Variants in NOL4L observed in about 807,000 individuals in gnomAD.
NOL4L encodes nucleolar protein 4 like, also known as nucleolar protein 4-like.
A neutral mutation model predicts 64.5 loss-of-function variants in NOL4L; 7 were observed. The observed-to-expected ratio is 0.11, with a 90% CI of 0.06 to 0.20. The LOEUF is 0.20. Among genes scored for constraint, NOL4L ranks in the 10% least tolerant of loss-of-function variants. The pLI, the probability that NOL4L is intolerant of heterozygous loss-of-function variation, is 1.00. For missense variants in NOL4L, 680 were observed against 967.1 expected (o/e 0.70, Z 3.94); for synonymous variants, 413 against 401.0 (o/e 1.03, Z -0.36).
chr20:32,487,232 C>A (rs1218691057), intron 4 of NOL4L, among the ~76,000 whole-genome samples: 1 of 152,280 alleles, frequency 6.6e-6, no homozygotes. Flanking sequence ...CATACCGTTG[C>A]ACTCCAGCCT....
In NOL4L at chr20:32,456,256, G is replaced by A. The variant is rs570929204; in HGVS notation, c.981C>T (p.Ala327=). 2.6e-4 allele frequency: 425 copies of A among 1,605,680 alleles called. 5 individuals are homozygous for A. In the South Asian group the frequency reaches 3.8e-3, roughly 14 times the overall value. ...GAVAPMDFTT[A]AEDQPINLCD... ...ACAGGTTGATGGGCTGATCCTCGGC[G>A]GCCGTGGTGAAGTCCATGGGGGCCA... The change falls in exon 6 of 11, where the codon GCC becomes GCT. Residue 327 remains alanine (A), a synonymous_variant. Coordinates refer to ENST00000621426, the MANE Select transcript of NOL4L (RefSeq NM_001256798.2).
intron 5 of NOL4L, among the ~76,000 whole-genome samples, chr20:32,467,422 C>T (rs571080510): frequency 3.9e-5 from 6 of 152,266 alleles, no homozygotes; most frequent in South Asian, 2.1e-4. Context: ...CCCCCTAGCC[C>T]GGCTCCCTTT....
At chr20:32,481,966 G>GC (rs916539754) in intron 4 of NOL4L, among the ~76,000 whole-genome samples, 1 of 146,478 alleles carries the variant, frequency 6.8e-6, no homozygotes, top group African/African-American at 2.6e-5. Flanking sequence ...GGGCGGGGCG[G>GC]GGGGGGGGGA....
chr20:32,482,990 C>T (rs1285456098), intron 4 of NOL4L, among the ~76,000 whole-genome samples: 2 of 151,352 alleles, frequency 1.3e-5, no homozygotes, highest in East Asian at 2.0e-4. Flanking sequence ...ACAATCACCG[C>T]CCCCCAGGAC....
chr20:32,477,856 G>A (rs867820602), intron 4 of NOL4L, among the ~76,000 whole-genome samples: 1 of 152,206 alleles, frequency 6.6e-6, no homozygotes, highest in Non-Finnish European at 1.5e-5. Context: ...CTGGGAAAAG[G>A]TGGGCTACAC....
chr20:32,568,667 C>T (rs1294515133), intron 1 of NOL4L, among the ~76,000 whole-genome samples: 1 of 152,228 alleles, frequency 6.6e-6, no homozygotes, highest in Non-Finnish European at 1.5e-5. Flanking sequence ...AGTTTCCTTC[C>T]CTCCTTTCCA....
chr20:32,543,533 C>T (rs1417485361), intron 1 of NOL4L, among the ~76,000 whole-genome samples: 1 of 151,924 alleles, frequency 6.6e-6, no homozygotes, highest in Non-Finnish European at 1.5e-5. Flanking sequence ...GCAGGAGAAT[C>T]GCTTGAACCC....
At chr20:32,520,586 T>C (rs534641152) in intron 3 of NOL4L, among the ~76,000 whole-genome samples, 1 of 152,340 alleles carries the variant, frequency 6.6e-6, no homozygotes, top group African/African-American at 2.4e-5. Flanking sequence ...GTTGTTCACT[T>C]TTTTGTTTTG....
At chr20:32,547,791 C>T (rs547674418) in intron 1 of NOL4L, among the ~76,000 whole-genome samples, 1 of 152,256 alleles carries the variant, frequency 6.6e-6, no homozygotes, top group Non-Finnish European at 1.5e-5. Context: ...GGAAGCAGCT[C>T]CAGCCATGTC....
intron 1 of NOL4L, among the ~76,000 whole-genome samples, chr20:32,555,798 G>C (rs1026366677): frequency 5.9e-5 from 9 of 152,106 alleles, no homozygotes; most frequent in African/African-American, 2.2e-4. Context: ...CTGACACCTT[G>C]ATTTTGAACT....
intron 4 of NOL4L, among the ~76,000 whole-genome samples, chr20:32,484,671 AT>A (rs1284253986): frequency 6.6e-6 from 1 of 152,026 alleles, no homozygotes; most frequent in Non-Finnish European, 1.5e-5. Flanking sequence ...TTGTAAAGTA[AT>A]AGGATAATCT....
chr20:32,583,371 G>GA (rs917472595), intron 1 of NOL4L, among the ~76,000 whole-genome samples: 2 of 149,494 alleles, frequency 1.3e-5, no homozygotes, highest in African/African-American at 4.9e-5. Context: ...CGTAACGACC[G>GA]AATCAATTGT....
At chr20:32,500,533 T>TTTTTTTTTTTTTTTTTTTTATTAGAGA (rs1568661332) in intron 4 of NOL4L, among the ~76,000 whole-genome samples, 2 of 119,120 alleles carry the variant, frequency 1.7e-5, no homozygotes, top group South Asian at 2.7e-4. Flanking sequence ...TTTTTGTATT[T>TTTTTTTTTTTTTTTTTTTTATTAGAGA]CTTTCTTTTT....
chr20:32,452,859 C>A (rs761752935), intron 9 of NOL4L, 25 bp downstream of exon 9: 7 of 1,613,080 alleles, frequency 4.3e-6, no homozygotes, highest in Middle Eastern at 3.3e-4. Context: ...GGAGCGGCCC[C>A]TGTAGTGGCT....
intron 1 of NOL4L, chr20:32,536,024 C>T (rs887359917): frequency 2.3e-5 from 23 of 985,590 alleles, no homozygotes; most frequent in Non-Finnish European, 2.8e-5. Context: ...CCACCCCAGG[C>T]AAGGGGCTGT....
chr20:32,488,343 C>T (rs902173727), intron 4 of NOL4L, among the ~76,000 whole-genome samples: 2 of 152,186 alleles, frequency 1.3e-5, no homozygotes, highest in Non-Finnish European at 2.9e-5. Context: ...ATGCACAGGG[C>T]TGTGGAACCA....
At chr20:32,482,617 C>G (rs529950913) in intron 4 of NOL4L, among the ~76,000 whole-genome samples, 208 of 152,032 alleles carry the variant, frequency 1.4e-3, no homozygotes, top group Middle Eastern at 0.014. Context: ...CCCGCCCCGC[C>G]GTGTCCCCTC....
At chr20:32,573,319 G>A (rs1038754164) in intron 1 of NOL4L, among the ~76,000 whole-genome samples, 2 of 152,048 alleles carry the variant, frequency 1.3e-5, no homozygotes, top group African/African-American at 2.4e-5. Flanking sequence ...GCCTGGCCTG[G>A]GTCCATTTTA....
In NOL4L at chr20:32,444,630, T is replaced by C. The variant is rs2012254392; in HGVS notation, c.*2966A>G. 6.6e-6 allele frequency: 1 copy of C among 152,252 alleles called. No individual in the cohort carries two copies. The highest frequency in any genetic ancestry group is 1.9e-4 in the East Asian group (1 of 5,198). The allele number at this position is 152,252 out of a possible 1,614,324, so 9.4% of individuals were successfully genotyped here. A position where few individuals can be genotyped will look rare whatever the true frequency, so the allele number is the denominator to read the frequency against. On this transcript the variant is annotated 3_prime_UTR_variant, in exon 11 of 11. Transcript: ENST00000621426. ...ACACTATCACTTGTCTACCTGATGA[T>C]CCACCACTAAGACCAATGCCCACTT...
Sources: gnomAD v4.1 joint callset for allele counts (sites outside exome capture counted in the v4.1 genomes callset) on GRCh38, gnomAD v4.1.1 for gene constraint, MANE v1.5 for transcripts, NCBI Gene and HGNC (gene_info 2026-07-23, HGNC 2026-07-21) for gene names.